CADM2: variants seen among roughly 807,000 people sequenced by gnomAD.
CADM2 encodes the protein immunoglobulin superfamily member 4D.
In CADM2, 12 loss-of-function variants were observed where a neutral mutation model predicts 49.8. The ratio of observed to expected loss-of-function variants is 0.24; its 90% CI spans 0.15 to 0.39. The LOEUF (loss-of-function observed/expected upper bound fraction) is 0.39. Ranked by LOEUF, CADM2 falls within the 10% of genes least tolerant of loss-of-function variation. CADM2 has a pLI of 1.00. For synonymous variants in CADM2, 214 were observed against 175.4 expected (o/e 1.22, Z -1.74); for missense variants, 378 against 492.3 (o/e 0.77, Z 2.20).
chr3:85,281,259 T>C (rs57768282), intron 1 of CADM2, among the ~76,000 whole-genome samples: 10,085 of 151,932 alleles, frequency 0.066, 1,101 homozygotes, highest in African/African-American at 0.23. Flanking sequence ...TGTGTGTTTG[T>C]ATAGAATTAT....
intron 1 of CADM2, among the ~76,000 whole-genome samples, chr3:85,360,980 G>A (rs979870737): frequency 1.3e-5 from 2 of 152,030 alleles, no homozygotes; most frequent in Non-Finnish European, 2.9e-5. Flanking sequence ...TTTACTTCCC[G>A]CTACCCCAGC....
At chr3:85,255,533 C>T (rs1322452825) in intron 1 of CADM2, among the ~76,000 whole-genome samples, 4 of 151,790 alleles carry the variant, frequency 2.6e-5, no homozygotes, top group African/African-American at 4.8e-5. Flanking sequence ...AAACCCATTC[C>T]CTTTTCTGTA....
intron 1 of CADM2, among the ~76,000 whole-genome samples, chr3:85,238,383 G>A (rs987186484): frequency 2.0e-5 from 3 of 151,740 alleles, no homozygotes; most frequent in Admixed American, 6.6e-5. Flanking sequence ...TTCTGTTTAC[G>A]GGAAGGAAAA....
At chr3:85,827,168 G>A (rs1577412173) in intron 3 of CADM2, among the ~76,000 whole-genome samples, 1 of 151,822 alleles carries the variant, frequency 6.6e-6, no homozygotes. Context: ...GTTTCATTAA[G>A]ATGAATAAAA....
rs578179060 is a variant in CADM2, at chr3:85,007,862, T to C, written c.61+48194T>C. 2.6e-5 allele frequency among the ~76,000 whole-genome samples: 4 copies of C among 152,288 alleles called. No homozygotes were observed. In the South Asian group the frequency reaches 6.2e-4, roughly 24 times the overall value. On this transcript the variant is annotated intron_variant, in intron 1 of 9. Coordinates refer to ENST00000383699, the MANE Select transcript of CADM2 (RefSeq NM_001167675.2). ...AGGGAGTGAGATGACAAATCTGTGT[T>C]AGAAAATCACTTCTGTTAAGAACTG...
intron 1 of CADM2, among the ~76,000 whole-genome samples, chr3:85,419,615 A>G (rs946101177): frequency 6.6e-6 from 1 of 152,338 alleles, no homozygotes; most frequent in South Asian, 2.1e-4. Context: ...TGGAATAAAG[A>G]GACCCATTTT....
At chr3:85,698,450 G>A (rs766629926) in intron 1 of CADM2, among the ~76,000 whole-genome samples, 13 of 152,122 alleles carry the variant, frequency 8.5e-5, no homozygotes, top group Non-Finnish European at 1.8e-4. Context: ...ATAAAGAAAA[G>A]AGCTGTAATT....
intron 1 of CADM2, among the ~76,000 whole-genome samples, chr3:84,978,353 G>T (rs1211893965): frequency 6.6e-6 from 1 of 151,998 alleles, no homozygotes; most frequent in East Asian, 1.9e-4. Flanking sequence ...TAATTATCTT[G>T]TGTTATTTTT....
chr3:85,370,344 C>T (rs1011792357), intron 1 of CADM2, among the ~76,000 whole-genome samples: 7 of 151,350 alleles, frequency 4.6e-5, no homozygotes, highest in South Asian at 2.1e-4. Context: ...ATTGCTTGAC[C>T]GCGGGAGGGG....
At chr3:85,347,434 C>T (rs2030799835) in intron 1 of CADM2, among the ~76,000 whole-genome samples, 1 of 120,182 alleles carries the variant, frequency 8.3e-6, no homozygotes, top group Non-Finnish European at 1.8e-5. Flanking sequence ...TTGAATATAG[C>T]CAATTTTTGG....
intron 8 of CADM2, among the ~76,000 whole-genome samples, chr3:86,044,360 T>C (rs1736361216): frequency 6.6e-6 from 1 of 151,918 alleles, no homozygotes. Context: ...CAAACAAATT[T>C]ACAAGAAAAA....
chr3:85,278,729 TG>T, intron 1 of CADM2, among the ~76,000 whole-genome samples: 2 of 97,032 alleles, frequency 2.1e-5, no homozygotes, highest in Non-Finnish European at 4.0e-5. Flanking sequence ...TGTGTGTGTG[TG>T]TGTGTGTGTG....
intron 1 of CADM2, among the ~76,000 whole-genome samples, chr3:85,720,453 T>G (rs1031807835): frequency 6.6e-6 from 1 of 152,218 alleles, no homozygotes; most frequent in African/African-American, 2.4e-5. Flanking sequence ...CTTTGTTTAG[T>G]AGCTGGAGTA....
chr3:85,341,618 G>C (rs555305889), intron 1 of CADM2, among the ~76,000 whole-genome samples: 1 of 151,990 alleles, frequency 6.6e-6, no homozygotes, highest in South Asian at 2.1e-4. Context: ...AAATGAACTA[G>C]AGTGCAGCAA....
At chr3:85,244,053 T>A (rs1010872505) in intron 1 of CADM2, among the ~76,000 whole-genome samples, 4 of 152,224 alleles carry the variant, frequency 2.6e-5, no homozygotes, top group East Asian at 1.9e-4. Context: ...AATTTTAGAA[T>A]ATTTTCTACA....
At chr3:86,018,290 G>C (rs1164096810) in intron 8 of CADM2, among the ~76,000 whole-genome samples, 2 of 132,682 alleles carry the variant, frequency 1.5e-5, no homozygotes, top group Admixed American at 1.6e-4. Context: ...TTGGACATTT[G>C]GGTTGGTTCC....
At chr3:85,926,093 T>C (rs888540984) in intron 6 of CADM2, among the ~76,000 whole-genome samples, 11 of 151,092 alleles carry the variant, frequency 7.3e-5, no homozygotes, top group African/African-American at 1.5e-4. Flanking sequence ...GCCGAGATCA[T>C]ACCACTGCAC....
At chr3:85,493,482 C>G (rs9838344) in intron 1 of CADM2, among the ~76,000 whole-genome samples, 4 of 152,096 alleles carry the variant, frequency 2.6e-5, no homozygotes, top group Non-Finnish European at 5.9e-5. Flanking sequence ...TTGGTGTTAT[C>G]TGTGAAAGAA....
At chr3:85,562,066 A>G (rs573454779) in intron 1 of CADM2, among the ~76,000 whole-genome samples, 2 of 152,322 alleles carry the variant, frequency 1.3e-5, no homozygotes, top group African/African-American at 4.8e-5. Context: ...TGTGTCAACC[A>G]TAGTACTTGG....
Sources: gnomAD v4.1 joint callset for allele counts (sites outside exome capture counted in the v4.1 genomes callset) on GRCh38, gnomAD v4.1.1 for gene constraint, MANE v1.5 for transcripts, NCBI Gene and HGNC (gene_info 2026-07-23, HGNC 2026-07-21) for gene names.